Variants in SPTAN1 observed in about 807,000 individuals in gnomAD.
SPTAN1 encodes the protein spectrin alpha, non-erythrocytic 1.
Under a neutral mutation model 331.3 loss-of-function variants are expected in SPTAN1, and 61 were observed. The observed-to-expected ratio is 0.18, with a 90% CI of 0.15 to 0.23. SPTAN1 has a LOEUF of 0.23. Among genes scored for constraint, SPTAN1 ranks in the 10% least tolerant of loss-of-function variants. The pLI, the probability that SPTAN1 is intolerant of heterozygous loss-of-function variation, is 1.00. For synonymous variants in SPTAN1, 1,153 were observed against 1,173.9 expected, an observed-to-expected ratio of 0.98 and a Z score of 0.36; for missense variants, 2,043 against 3,147.9, an observed-to-expected ratio of 0.65 and a Z score of 8.40.
At position 128,632,846 on chromosome 9, in the gene SPTAN1, T is replaced by C. The variant is rs145054594; in HGVS notation, c.7199T>C (p.Met2400Thr). 1.4e-4 allele frequency: 220 copies of C among 1,613,982 alleles called. No homozygotes were observed. Among genetic ancestry groups the C allele is most frequent in the Non-Finnish European group, 1.7e-4 (199 of 1,180,048 alleles). ...HVSLQEYMAF[M>T]ISRETENVKS... The stretch of plus-strand genomic sequence containing the variant: ...TCCTTGCAAGAATACATGGCTTTCA[T>C]GATCAGCCGCGAAACTGAGAACGTC... Residue 2400 changes from methionine (M) to threonine (T), a missense_variant, in exon 56 of 57, where the codon ATG (methionine) becomes ACG (threonine). By Grantham distance (81) the Met-to-Thr change is moderately conservative. This residue lies in a region of SPTAN1 where 9 missense variants were observed against 35.8 expected (regional missense o/e 0.25). Transcript: ENST00000372739.
Position 128,605,451 on chromosome 9 carries a change from C to T in SPTAN1, c.4020C>T (p.Asp1340=), listed in dbSNP as rs2131577299. 3 of 1,614,184 alleles carry T rather than the reference C, an allele frequency of 1.9e-6. No homozygotes were observed. The highest frequency in any genetic ancestry group is 2.5e-6 in the Non-Finnish European group (3 of 1,180,028). Reference sequence around the variant, plus strand: ...AGGCAAAGTTGGGTGACTCCCACGACCTGCAGCGCTTCCTTAGCGATTTCC... The same window carrying T: ...AGGCAAAGTTGGGTGACTCCCACGATCTGCAGCGCTTCCTTAGCGATTTCC... ...QRKAKLGDSH[D]LQRFLSDFRD... Residue 1340 remains aspartate (D), a synonymous_variant, in exon 31 of 57, where the codon GAC becomes GAT. Coordinates refer to ENST00000372739, the MANE Select transcript of SPTAN1 (RefSeq NM_001130438.3).
At position 128,578,097 on chromosome 9, in the gene SPTAN1, T is replaced by C. The variant is rs550221689; in HGVS notation, c.1086-13T>C. On this transcript the variant is annotated splice_polypyrimidine_tract_variant and intron_variant, in intron 8 of 56. Coordinates refer to ENST00000372739, the MANE Select transcript of SPTAN1 (RefSeq NM_001130438.3). ...CCGCTGGAAACATAATGTCTTCCTT[T>C]GGTTTTCCCTAGGCTTCAACGCTTC... 4 of 1,614,120 alleles carry C rather than the reference T, an allele frequency of 2.5e-6. No homozygotes were observed. In the South Asian group the frequency reaches 4.4e-5, roughly 18 times the overall value.
rs138499933 is a variant in SPTAN1, at chr9:128,577,576, T to TCTTC, written c.1085+70_1085+71insCTTC. The TCTTC allele has an allele frequency of 1.3e-3, 2,067 of 1,596,282 alleles. 16 individuals carry two copies. The African/African-American group carries it at 0.021, about 16-fold the overall frequency. ...TTTTTGGAAGCAGGAATAGCAGAGT[T>TCTTC]AAGGGTCTGTTCTGTGTTCTGTGAA... On this transcript the variant is annotated intron_variant, in intron 8 of 56. Transcript: ENST00000372739. The surrounding 1 kb of genome is among the most constrained non-coding windows in gnomAD (Gnocchi z 4.2).
At chr9:128,607,303 C>G (rs946573446) in intron 31 of SPTAN1, among the ~76,000 whole-genome samples, 5 of 151,994 alleles carry the variant, frequency 3.3e-5, no homozygotes, top group Non-Finnish European at 7.4e-5. Context: ...CACGCCTGGC[C>G]AACAAAAGCT....
At chr9:128,628,192 T>TCACTTTGGGTAGGGA in intron 51 of SPTAN1, 1 of 670,604 alleles carries the variant, frequency 1.5e-6, no homozygotes. Context: ...TTCCAAGGGC[T>TCACTTTGGGTAGGGA]CACTTTGGGT....
chr9:128,562,970 A>AT (rs1849558138), intron 1 of SPTAN1, among the ~76,000 whole-genome samples: 1 of 75,440 alleles, frequency 1.3e-5, no homozygotes, highest in Admixed American at 1.6e-4. Context: ...GTCTAAAAAA[A>AT]AATATATATA....
intron 27 of SPTAN1, among the ~76,000 whole-genome samples, chr9:128,600,793 G>T (rs1270701351): frequency 1.3e-5 from 2 of 151,686 alleles, no homozygotes; most frequent in Non-Finnish European, 2.9e-5. Flanking sequence ...CTCCCAAGTA[G>T]CTGGGACTAC....
intron 19 of SPTAN1, among the ~76,000 whole-genome samples, chr9:128,586,340 C>T (rs1386436056): frequency 6.6e-6 from 1 of 151,724 alleles, no homozygotes; most frequent in Non-Finnish European, 1.5e-5. Flanking sequence ...GCTATGTTGT[C>T]CCATCTGGTT....
At chr9:128,601,832 T>TC (rs1168079398) in intron 27 of SPTAN1, among the ~76,000 whole-genome samples, 1 of 152,106 alleles carries the variant, frequency 6.6e-6, no homozygotes, top group Non-Finnish European at 1.5e-5. Context: ...GTGGCCTCCT[T>TC]CCCCCACTGG....
In SPTAN1 at chr9:128,625,709, G is replaced by A. The variant is rs1363165267; in HGVS notation, c.6070-60G>A. 1 of 1,546,060 alleles carries A rather than the reference G, an allele frequency of 6.5e-7. No homozygotes were observed. The highest frequency in any genetic ancestry group is 1.4e-5 in the African/African-American group (1 of 73,630). ...GACATGCTGGTGCCATCTGAGCCTAGGAAGAGCAAGTTCCAGTCCTGTGGA... is the reference window on the plus strand; with the variant it reads ...GACATGCTGGTGCCATCTGAGCCTAAGAAGAGCAAGTTCCAGTCCTGTGGA... On this transcript the variant is annotated intron_variant, in intron 47 of 56. Coordinates refer to ENST00000372739, the MANE Select transcript of SPTAN1 (RefSeq NM_001130438.3). This position sits in a 1 kb window ranked among gnomAD's most constrained non-coding sequence, Gnocchi z 4.1.
chr9:128,581,868 T>C lies in SPTAN1; in HGVS notation c.1548T>C (p.Leu516=), dbSNP rs909370953. ...AGCACGAAGACTTTGAGAAATCCCT[T>C]AGTGCCCAGGAGGAAAAGATTACAG... ...LKKHEDFEKS[L]SAQEEKITAL... The change falls in exon 12 of 57, where the codon CTT becomes CTC. Residue 516 remains leucine, a synonymous_variant. Coordinates refer to ENST00000372739, the MANE Select transcript of SPTAN1 (RefSeq NM_001130438.3). 14 of 1,613,554 alleles carry C rather than the reference T, an allele frequency of 8.7e-6. 1 individual carries two copies. Among genetic ancestry groups the C allele is most frequent in the African/African-American group, 1.3e-5 (1 of 74,896 alleles).
intron 23 of SPTAN1, 75 bp from the exon 24 acceptor site, chr9:128,594,100 T>A: frequency 7.1e-7 from 1 of 1,402,420 alleles, no homozygotes; most frequent in Non-Finnish European, 1.0e-6. Context: ...AGACACCTCG[T>A]GGTTTGCCTT....
chr9:128,566,728 G>A lies in SPTAN1; in HGVS notation c.-3-10G>A. On this transcript the variant is annotated splice_polypyrimidine_tract_variant and intron_variant, in intron 1 of 56. Coordinates refer to ENST00000372739, the MANE Select transcript of SPTAN1 (RefSeq NM_001130438.3). Reference sequence around the variant, plus strand: ...ATTGGTACTTATCTCAGCGCATTTTGTCATTTCAGAAAATGGACCCAAGTG... The same window carrying A: ...ATTGGTACTTATCTCAGCGCATTTTATCATTTCAGAAAATGGACCCAAGTG... 2 of 1,614,000 alleles carry A rather than the reference G, an allele frequency of 1.2e-6. No individual in the cohort carries two copies. Among genetic ancestry groups the A allele is most frequent in the Non-Finnish European group, 1.7e-6 (2 of 1,180,010 alleles).
In SPTAN1 at chr9:128,577,307, G is replaced by A; in HGVS notation, c.930+34G>A. On this transcript the variant is annotated intron_variant, in intron 7 of 56. Coordinates refer to ENST00000372739, the MANE Select transcript of SPTAN1 (RefSeq NM_001130438.3). This position sits in a 1 kb window ranked among gnomAD's most constrained non-coding sequence, Gnocchi z 4.2. ...TACAAGCAGCTGATTCTGTAAATAA[G>A]TTACCAAGGGTCAGGAGAATAGTTC... 3 of 1,614,196 alleles carry A rather than the reference G, an allele frequency of 1.9e-6. No homozygotes were observed. Among genetic ancestry groups the A allele is most frequent in the Non-Finnish European group, 2.5e-6 (3 of 1,180,040 alleles).
At chr9:128,593,873 C>A in intron 23 of SPTAN1, 1 of 407,330 alleles carries the variant, frequency 2.5e-6, no homozygotes, top group East Asian at 5.6e-5. Context: ...CTGTGCTAAG[C>A]GCTTGGTTTC....
At chr9:128,621,594 A>G (rs1857864147) in intron 45 of SPTAN1, 1 of 384,418 alleles carries the variant, frequency 2.6e-6, no homozygotes, top group Non-Finnish European at 5.0e-6. Context: ...AAAATTACCC[A>G]TAAAGCCCCA....
Position 128,628,261 on chromosome 9 carries a change from G to A in SPTAN1, c.6707+319G>A, listed in dbSNP as rs554385332. The stretch of plus-strand genomic sequence containing the variant: ...GAGTCCAGAGGCCCTAAGAACCCCC[G>A]TGCCTGTCCAGCCACCGGGCTCTGT... On this transcript the variant is annotated intron_variant, in intron 51 of 56. Coordinates refer to ENST00000372739, the MANE Select transcript of SPTAN1 (RefSeq NM_001130438.3). The A allele has an allele frequency of 4.3e-5, 21 of 492,750 alleles. No individual in the cohort carries two copies. In the East Asian group the frequency reaches 8.7e-4, roughly 20 times the overall value. The allele number at this position is 492,750 out of a possible 1,614,324, so 30.5% of individuals were successfully genotyped here. A position where few individuals can be genotyped will look rare whatever the true frequency, so the allele number is the denominator to read the frequency against.
Position 128,577,631 on chromosome 9 carries a change from C to G in SPTAN1, c.1085+125C>G, listed in dbSNP as rs1851456171. ...TCAGGTATCACCTACAAATGCAAAT[C>G]ACTTCTTACCTATGTTCTCTCTGTT... On this transcript the variant is annotated intron_variant, in intron 8 of 56. Coordinates refer to ENST00000372739, the MANE Select transcript of SPTAN1 (RefSeq NM_001130438.3). This position sits in a 1 kb window ranked among gnomAD's most constrained non-coding sequence, Gnocchi z 4.2. 1.6e-6 allele frequency: 2 copies of G among 1,261,666 alleles called. No individual in the cohort carries two copies. The highest frequency in any genetic ancestry group is 5.2e-4 in the Middle Eastern group (2 of 3,818). 78.2% of individuals were successfully genotyped at this position (1,261,666 alleles called of 1,614,324 possible). A position where few individuals can be genotyped will look rare whatever the true frequency, so the allele number is the denominator to read the frequency against.
rs777551155 is a variant in SPTAN1, at chr9:128,568,857, T to C, written c.323T>C (p.Leu108Pro). 3 of 1,614,154 alleles carry C rather than the reference T, an allele frequency of 1.9e-6. No individual in the cohort carries two copies. The South Asian group carries it at 3.3e-5, about 18-fold the overall frequency. The change falls in exon 3 of 57, where the codon CTG (leucine) becomes CCG (proline). Residue 108 changes from leucine (L) to proline (P), a missense_variant. Leu to Pro is a moderately conservative substitution (Grantham distance 98). Around this residue, in one of 12 missense-constraint regions of SPTAN1, gnomAD observed 1,038 missense variants for 1,531.5 expected, o/e 0.68. Transcript: ENST00000372739. ...AIVKLDETGN[L>P]MISEGHFASE... ...GTTAAGCTGGATGAAACTGGAAACC[T>C]GATGATCTCAGAAGGGCATTTTGCA...
Sources: allele counts gnomAD v4.1 joint callset (sites outside exome capture counted in the v4.1 genomes callset), GRCh38; gene constraint gnomAD v4.1.1; regional missense constraint gnomAD v4.1.1; non-coding constraint Gnocchi (gnomAD v3.1); transcripts MANE v1.5; gene names NCBI Gene and HGNC (gene_info 2026-07-23, HGNC 2026-07-21).